GPATCH1: variants seen among roughly 807,000 people sequenced by gnomAD.
GPATCH1 encodes G-patch domain containing 1.
GPATCH1 carries 73 observed loss-of-function variants against 114.9 expected under a neutral mutation model. That is an observed-to-expected ratio of 0.64 (90% CI 0.53 to 0.77). GPATCH1 has a LOEUF of 0.77. Among genes scored for constraint, GPATCH1 ranks in the 30% least tolerant of loss-of-function variants. GPATCH1 has a pLI of 0.00. For missense variants in GPATCH1, 1,058 were observed against 1,144.3 expected (o/e 0.92, Z 1.09); for synonymous variants, 391 against 428.4 (o/e 0.91, Z 1.08).
chr19:33,126,449 T>A, intron 18 of GPATCH1, 139 bp from the exon 19 acceptor site: 1 of 1,270,592 alleles, frequency 7.9e-7, no homozygotes, highest in Non-Finnish European at 1.1e-6. Flanking sequence ...TGTTAGGCTC[T>A]CACTCTCACT....
chr19:33,086,888 CACTTGA>C (rs903778916), intron 1 of GPATCH1, among the ~76,000 whole-genome samples: 30 of 151,960 alleles, frequency 2.0e-4, no homozygotes, highest in Non-Finnish European at 4.3e-4. Context: ...GCAGGAGAAC[CACTTGA>C]GCCCAGGAAG....
chr19:33,108,376 C>A (rs3760892), intron 10 of GPATCH1, among the ~76,000 whole-genome samples: 36,959 of 151,936 alleles, frequency 0.24, 5,087 homozygotes, highest in East Asian at 0.51. Context: ...CCTTCCCTTA[C>A]CCTCCCACAG....
At chr19:33,106,598 G>A in intron 9 of GPATCH1, 97 bp from the exon 10 acceptor site, 1 of 945,026 alleles carries the variant, frequency 1.1e-6, no homozygotes, top group Non-Finnish European at 1.7e-6. Flanking sequence ...CCGGGAAGGG[G>A]CGGGGTTAAC....
At position 33,118,058 on chromosome 19, in the gene GPATCH1, G is replaced by C; in HGVS notation, c.2413+17G>C. ...TGGCTCACGGTATGTCAGTATTTCA[G>C]ACTCGGGGATCTAAAGGAGAAGACA... On this transcript the variant is annotated intron_variant, in intron 16 of 19. Transcript: ENST00000170564. 6.4e-7 allele frequency: 1 copy of C among 1,560,210 alleles called. No individual in the cohort carries two copies. The highest frequency in any genetic ancestry group is 8.8e-7 in the Non-Finnish European group (1 of 1,131,200).
intron 17 of GPATCH1, among the ~76,000 whole-genome samples, chr19:33,122,331 T>C (rs1247365991): frequency 6.7e-6 from 1 of 150,080 alleles, no homozygotes; most frequent in East Asian, 1.9e-4. Flanking sequence ...AGTTTCTTTT[T>C]TTTTTTTTTT....
chr19:33,124,829 T>TA (rs1242148008), intron 17 of GPATCH1, among the ~76,000 whole-genome samples: 1 of 152,190 alleles, frequency 6.6e-6, no homozygotes, highest in African/African-American at 2.4e-5. Context: ...GGTCCGACTT[T>TA]ATCTGCATCT....
At chr19:33,084,799 T>TA (rs1221247045) in intron 1 of GPATCH1, among the ~76,000 whole-genome samples, 1 of 152,160 alleles carries the variant, frequency 6.6e-6, no homozygotes, top group African/African-American at 2.4e-5. Flanking sequence ...TAGCTGAGCT[T>TA]ACAGGCGCAT....
chr19:33,091,180 G>T (rs1431010380), intron 3 of GPATCH1, among the ~76,000 whole-genome samples: 1 of 152,082 alleles, frequency 6.6e-6, no homozygotes, highest in Non-Finnish European at 1.5e-5. Flanking sequence ...GGGAGGCCGA[G>T]ACAGGCGGAT....
chr19:33,093,149 C>T (rs894593835), intron 3 of GPATCH1, among the ~76,000 whole-genome samples: 24 of 152,250 alleles, frequency 1.6e-4, no homozygotes, highest in Admixed American at 1.2e-3. Context: ...GATTGCACCA[C>T]TGCACTCCGG....
intron 10 of GPATCH1, among the ~76,000 whole-genome samples, chr19:33,107,194 C>T (rs1473478625): frequency 6.6e-6 from 1 of 152,092 alleles, no homozygotes; most frequent in East Asian, 1.9e-4. Context: ...GCGTTCCTCC[C>T]ACCTCAGACT....
chr19:33,130,532 C>A lies in GPATCH1; in HGVS notation c.*372C>A, dbSNP rs1161900495. The A allele has an allele frequency of 5.9e-6, 1 of 169,568 alleles. No homozygotes were observed. Among genetic ancestry groups the A allele is most frequent in the Non-Finnish European group, 1.2e-5 (1 of 80,136 alleles). The allele number at this position is 169,568 out of a possible 1,614,324, so 10.5% of individuals were successfully genotyped here. A position where few individuals can be genotyped will look rare whatever the true frequency, so the allele number is the denominator to read the frequency against. ...TGAAGGACAAGCGTGTGAGAAGGGGCGGTTGCGGCCCCTCCTGCCGTTTTT... is the reference window on the plus strand; with the variant it reads ...TGAAGGACAAGCGTGTGAGAAGGGGAGGTTGCGGCCCCTCCTGCCGTTTTT... On this transcript the variant is annotated 3_prime_UTR_variant, in exon 20 of 20. Transcript: ENST00000170564.
At chr19:33,097,949 A>T in intron 8 of GPATCH1, 47 bp downstream of exon 8, 1 of 1,582,426 alleles carries the variant, frequency 6.3e-7, no homozygotes, top group Non-Finnish European at 8.7e-7. Context: ...GTGTCAGGGT[A>T]TCAGGAAGGA....
chr19:33,090,937 C>G, intron 3 of GPATCH1, 72 bp downstream of exon 3: 2 of 873,804 alleles, frequency 2.3e-6, no homozygotes, highest in Non-Finnish European at 3.9e-6. Context: ...ACTGCCTTCT[C>G]TCTCCCCAGA....
At chr19:33,114,610 G>A (rs1972896389) in intron 15 of GPATCH1, among the ~76,000 whole-genome samples, 191 bp downstream of exon 15, 1 of 152,132 alleles carries the variant, frequency 6.6e-6, no homozygotes, top group Non-Finnish European at 1.5e-5. Flanking sequence ...TCATGTGCAA[G>A]TTTTTGTGTG....
intron 17 of GPATCH1, among the ~76,000 whole-genome samples, chr19:33,123,922 C>G (rs12151094): frequency 0.16 from 23,771 of 151,212 alleles, 2,062 homozygotes; most frequent in East Asian, 0.35. Context: ...AGCACGATCT[C>G]GGCTCACTGC....
At chr19:33,085,247 TA>T (rs1972523754) in intron 1 of GPATCH1, among the ~76,000 whole-genome samples, 1 of 152,116 alleles carries the variant, frequency 6.6e-6, no homozygotes, top group Non-Finnish European at 1.5e-5. Flanking sequence ...AGTCTTGCTT[TA>T]TCCCCCAGGC....
At chr19:33,098,138 T>C (rs1972685003) in intron 8 of GPATCH1, among the ~76,000 whole-genome samples, 1 of 152,112 alleles carries the variant, frequency 6.6e-6, no homozygotes, top group Non-Finnish European at 1.5e-5. Context: ...GAGAGGTCTG[T>C]AATCAGGGAA....
rs1182749517 is a variant in GPATCH1 at position 33,115,354 on chromosome 19, GC to G, written c.2196+936del. Among the ~76,000 whole-genome samples, 9 of 151,032 alleles carry G rather than the reference GC, an allele frequency of 6.0e-5. No individual in the cohort carries two copies. The Admixed American group carries it at 6.0e-4, about 10-fold the overall frequency. ...GCCTCCCAAAGTGCTGGGATTACAG[GC>G]GTGAGCCACCATGCCCAGTTGACCC... On this transcript the variant is annotated intron_variant, in intron 15 of 19. Transcript: ENST00000170564.
intron 17 of GPATCH1, 48 bp from the exon 18 acceptor site, chr19:33,125,057 T>C: frequency 6.4e-7 from 1 of 1,554,228 alleles, no homozygotes; most frequent in Non-Finnish European, 8.7e-7. Context: ...TGGATAGTCT[T>C]TGTTTTCGTG....
Sources: gnomAD v4.1 joint callset for allele counts (sites outside exome capture counted in the v4.1 genomes callset) on GRCh38, gnomAD v4.1.1 for gene constraint, MANE v1.5 for transcripts, NCBI Gene and HGNC (gene_info 2026-07-23, HGNC 2026-07-21) for gene names.